The following TAFA2 variants were observed in gnomAD, a reference collection of about 807,000 sequenced individuals.
TAFA2 encodes TAFA chemokine like family member 2.
TAFA2 carries 7 observed loss-of-function variants against 18.8 expected under a neutral mutation model. The ratio of observed to expected loss-of-function variants is 0.37; its 90% CI spans 0.21 to 0.70. The LOEUF (loss-of-function observed/expected upper bound fraction) is 0.70. TAFA2 is among the 30% of genes least tolerant of loss of function. The probability of loss-of-function intolerance (pLI) is 0.53; values close to 1 mark genes in which losing one functional copy is unlikely to be tolerated. For missense variants in TAFA2, 122 were observed against 158.1 expected (o/e 0.77, Z 1.23); for synonymous variants, 60 against 54.2 (o/e 1.11, Z -0.47).
intron 1 of TAFA2, among the ~76,000 whole-genome samples, chr12:61,941,246 T>TA (rs1179277163): frequency 2.0e-5 from 3 of 152,134 alleles, no homozygotes; most frequent in Non-Finnish European, 4.4e-5. Flanking sequence ...GACTACATGG[T>TA]AAAAAAGTAT....
At chr12:61,901,259 CTTTTTTTT>C (rs1203233805) in intron 1 of TAFA2, among the ~76,000 whole-genome samples, 4 of 10,898 alleles carry the variant, frequency 3.7e-4, no homozygotes, top group African/African-American at 1.1e-3. Context: ...TTCAATTTCA[CTTTTTTTT>C]TTTTTTTTTT....
intron 4 of TAFA2, among the ~76,000 whole-genome samples, chr12:61,751,178 C>T (rs1459854918): frequency 6.6e-6 from 1 of 152,048 alleles, no homozygotes; most frequent in African/African-American, 2.4e-5. Context: ...TTTTTCTTAT[C>T]GCCTCCAATC....
intron 1 of TAFA2, among the ~76,000 whole-genome samples, chr12:62,127,016 T>C (rs766886048): frequency 4.7e-4 from 71 of 152,230 alleles, no homozygotes; most frequent in Non-Finnish European, 7.6e-4. Flanking sequence ...AGGACACATT[T>C]GAATTAAACA....
At chr12:61,867,208 G>A in intron 2 of TAFA2, 112 bp downstream of exon 2, 1 of 671,856 alleles carries the variant, frequency 1.5e-6, no homozygotes, top group Non-Finnish European at 2.6e-6. Flanking sequence ...CTGCCAGGGG[G>A]AGAATCTATA....
chr12:61,953,034 T>C (rs1312952500), intron 1 of TAFA2, among the ~76,000 whole-genome samples: 3 of 152,120 alleles, frequency 2.0e-5, no homozygotes, highest in Non-Finnish European at 4.4e-5. Flanking sequence ...GAAAACATTA[T>C]CCAAGGCAAG....
intron 1 of TAFA2, among the ~76,000 whole-genome samples, chr12:62,050,876 T>A (rs1421046009): frequency 6.6e-6 from 1 of 152,168 alleles, no homozygotes; most frequent in African/African-American, 2.4e-5. Flanking sequence ...CAGTTTTATA[T>A]CCTTCTAGAG....
Position 62,116,374 on chromosome 12 carries a change from C to T in TAFA2, c.-2+74885G>A, listed in dbSNP as rs557872890. Among the ~76,000 whole-genome samples the T allele has an allele frequency of 2.0e-5, 3 of 152,224 alleles. No individual in the cohort carries two copies. The East Asian group carries it at 5.8e-4, about 29-fold the overall frequency. ...AAACGTAGTGGTTCTAAATATAAGC[C>T]CACAATCATTATCACAACGACAGAT... is the stretch of plus-strand genomic sequence containing the variant. On this transcript the variant is annotated intron_variant, in intron 1 of 4. Coordinates refer to ENST00000416284, the MANE Select transcript of TAFA2 (RefSeq NM_178539.5).
chr12:62,095,388 C>G (rs190592491), intron 1 of TAFA2, among the ~76,000 whole-genome samples: 1 of 152,044 alleles, frequency 6.6e-6, no homozygotes, highest in East Asian at 1.9e-4. Flanking sequence ...AAACATGACA[C>G]TGTGATAGAG....
chr12:61,730,025 C>A (rs138058722), intron 4 of TAFA2, among the ~76,000 whole-genome samples: 1 of 152,064 alleles, frequency 6.6e-6, no homozygotes, highest in Non-Finnish European at 1.5e-5. Context: ...AGAGCTACTG[C>A]GCTCTGGACC....
At chr12:62,140,774 C>T (rs1334102044) in intron 1 of TAFA2, among the ~76,000 whole-genome samples, 1 of 152,106 alleles carries the variant, frequency 6.6e-6, no homozygotes, top group Non-Finnish European at 1.5e-5. Flanking sequence ...CTGCCAGGAC[C>T]ATCAGAAGTA....
At chr12:62,215,932 G>T (rs1408602930) in intron 1 of TAFA2, among the ~76,000 whole-genome samples, 2 of 152,114 alleles carry the variant, frequency 1.3e-5, no homozygotes, top group South Asian at 2.1e-4. Context: ...AGACCAGTGG[G>T]TTTTGCCCAT....
At position 61,798,089 on chromosome 12, in the gene TAFA2, T is replaced by A. The variant is rs1388563479; in HGVS notation, c.107-43065A>T. ...CCATATAGATGCTGATTGGCTAAAT[T>A]ATAATGAAACAGAAGTTTTAGTACC... is the stretch of plus-strand genomic sequence containing the variant. On this transcript the variant is annotated intron_variant, in intron 2 of 4. Coordinates refer to ENST00000416284, the MANE Select transcript of TAFA2 (RefSeq NM_178539.5). Among the ~76,000 whole-genome samples, 3 of 152,170 alleles carry A rather than the reference T, an allele frequency of 2.0e-5. No homozygotes were observed. The East Asian group carries it at 5.8e-4, about 29-fold the overall frequency.
At chr12:61,965,849 T>C (rs957749097) in intron 1 of TAFA2, among the ~76,000 whole-genome samples, 1 of 151,898 alleles carries the variant, frequency 6.6e-6, no homozygotes, top group African/African-American at 2.4e-5. Context: ...CTGAATCTCC[T>C]AATCAGAAAA....
rs1882331685 is a variant in TAFA2, at chr12:62,060,936, T to C, written c.-2+130323A>G. ...GCATAAAAATTAAAAATTAAAAAAGTTTAAAGGGAAAGAAAATATTTTTGT... is the reference window on the plus strand; with the variant it reads ...GCATAAAAATTAAAAATTAAAAAAGCTTAAAGGGAAAGAAAATATTTTTGT... On this transcript the variant is annotated intron_variant, in intron 1 of 4. Coordinates refer to ENST00000416284, the MANE Select transcript of TAFA2 (RefSeq NM_178539.5). Among the ~76,000 whole-genome samples the C allele has an allele frequency of 2.0e-5, 3 of 151,746 alleles. 1 individual carries two copies. In the South Asian group the frequency reaches 6.2e-4, roughly 32 times the overall value.
chr12:62,160,512 C>T (rs1007268189), intron 1 of TAFA2, among the ~76,000 whole-genome samples: 17 of 152,212 alleles, frequency 1.1e-4, no homozygotes, highest in Admixed American at 2.0e-4. Flanking sequence ...ACCCTTAGCA[C>T]GGTGCCTACG....
chr12:61,865,709 A>C (rs1874324902), intron 2 of TAFA2, among the ~76,000 whole-genome samples: 1 of 152,232 alleles, frequency 6.6e-6, no homozygotes, highest in Non-Finnish European at 1.5e-5. Context: ...ATACAGTGTG[A>C]GCAGTCTTTA....
At chr12:61,865,114 T>A (rs1193217680) in intron 2 of TAFA2, among the ~76,000 whole-genome samples, 1 of 152,082 alleles carries the variant, frequency 6.6e-6, no homozygotes, top group African/African-American at 2.4e-5. Context: ...CTCCCCCTCC[T>A]GAAAGGAAAG....
chr12:62,168,264 G>T (rs1047445283), intron 1 of TAFA2, among the ~76,000 whole-genome samples: 10 of 152,164 alleles, frequency 6.6e-5, no homozygotes, highest in African/African-American at 2.4e-4. Flanking sequence ...TTTAGGAACT[G>T]AGCATTAGTG....
At chr12:62,024,530 A>C (rs1364827395) in intron 1 of TAFA2, among the ~76,000 whole-genome samples, 1 of 152,140 alleles carries the variant, frequency 6.6e-6, no homozygotes, top group Non-Finnish European at 1.5e-5. Context: ...CTTAGAAAAC[A>C]CCAATTTGGA....
Sources: gnomAD v4.1 joint callset for allele counts (sites outside exome capture counted in the v4.1 genomes callset) on GRCh38, gnomAD v4.1.1 for gene constraint, MANE v1.5 for transcripts, NCBI Gene and HGNC (gene_info 2026-07-23, HGNC 2026-07-21) for gene names.